Variants in ESR2 observed in about 807,000 individuals in gnomAD.
ESR2 encodes the protein estrogen receptor 2, also known as estrogen receptor beta.
Under a neutral mutation model 49.6 loss-of-function variants are expected in ESR2, and 36 were observed. The ratio of observed to expected loss-of-function variants is 0.73; its 90% CI spans 0.56 to 0.96. The LOEUF (loss-of-function observed/expected upper bound fraction) is 0.96, where lower values mean the gene tolerates loss of function less well. ESR2 is among the 40% of genes least tolerant of loss of function. The pLI, the probability that ESR2 is intolerant of heterozygous loss-of-function variation, is 0.00. For synonymous variants in ESR2, 320 were observed against 266.1 expected (o/e 1.20, Z -1.97); for missense variants, 714 against 693.0 (o/e 1.03, Z -0.34).
chr14:64,321,364 T>G (rs2077322767), intron 1 of ESR2, among the ~76,000 whole-genome samples: 1 of 152,138 alleles, frequency 6.6e-6, no homozygotes, highest in African/African-American at 2.4e-5. Flanking sequence ...ACCTGGATTG[T>G]GGTGGCATTT....
At chr14:64,285,829 AAAAAAAAAAAAAAG>A (rs901276192) in intron 1 of ESR2, among the ~76,000 whole-genome samples, 2 of 31,632 alleles carry the variant, frequency 6.3e-5, no homozygotes, top group Non-Finnish European at 5.8e-5. Context: ...TCTGTCTCAA[AAAAAAAAAAAAAAG>A]AAAAAGAAAA....
chr14:64,305,481 T>C lies in ESR2; in HGVS notation c.-90-22406A>G, dbSNP rs890070048. Among the ~76,000 whole-genome samples, 16 of 150,648 alleles carry C rather than the reference T, an allele frequency of 1.1e-4. No individual in the cohort carries two copies. In the East Asian group the frequency reaches 1.2e-3, roughly 11 times the overall value. On this transcript the variant is annotated intron_variant, in intron 1 of 8. Transcript: ENST00000358599. ...GTCAGGAGATCGAGACCATCCTGGCTAACACAGTGAAACCCCATCTCTACT... is the reference window on the plus strand; with the variant it reads ...GTCAGGAGATCGAGACCATCCTGGCCAACACAGTGAAACCCCATCTCTACT...
intron 1 of ESR2, among the ~76,000 whole-genome samples, chr14:64,288,015 G>T (rs2076809014): frequency 6.6e-6 from 1 of 152,160 alleles, no homozygotes; most frequent in African/African-American, 2.4e-5. Flanking sequence ...TCATTTATTT[G>T]CATGTCAATT....
intron 7 of ESR2, among the ~76,000 whole-genome samples, chr14:64,237,535 T>C (rs991449134): frequency 2.0e-5 from 3 of 152,220 alleles, no homozygotes; most frequent in Admixed American, 2.0e-4. Flanking sequence ...ATTGTGTGCC[T>C]GTACATGTCT....
chr14:64,278,574 G>A (rs777028888), intron 3 of ESR2, among the ~76,000 whole-genome samples: 1 of 152,166 alleles, frequency 6.6e-6, no homozygotes, highest in Non-Finnish European at 1.5e-5. Flanking sequence ...GGCTTTGATA[G>A]AAAAAGGAAG....
intron 1 of ESR2, among the ~76,000 whole-genome samples, chr14:64,319,351 A>G (rs1481004186): frequency 6.6e-6 from 1 of 152,172 alleles, no homozygotes; most frequent in Non-Finnish European, 1.5e-5. Context: ...AGAAAATGTA[A>G]GTGACCTAGG....
At chr14:64,240,725 C>T (rs926630294) in intron 7 of ESR2, among the ~76,000 whole-genome samples, 2 of 152,032 alleles carry the variant, frequency 1.3e-5, no homozygotes, top group Non-Finnish European at 2.9e-5. Flanking sequence ...TTTCGTTTTT[C>T]AGTACAGTAA....
chr14:64,277,888 GA>G (rs1322663462), intron 3 of ESR2, among the ~76,000 whole-genome samples: 1 of 151,732 alleles, frequency 6.6e-6, no homozygotes, highest in East Asian at 1.9e-4. Context: ...ACAACATAGA[GA>G]AGCAAAGGAA....
intron 3 of ESR2, among the ~76,000 whole-genome samples, chr14:64,277,787 A>G (rs2076585499): frequency 6.6e-6 from 1 of 152,190 alleles, no homozygotes; most frequent in South Asian, 2.1e-4. Flanking sequence ...TCATTTAGGC[A>G]CTACAACTGT....
chr14:64,312,848 G>T (rs1396499567), intron 1 of ESR2, among the ~76,000 whole-genome samples: 1 of 151,994 alleles, frequency 6.6e-6, no homozygotes, highest in East Asian at 1.9e-4. Context: ...GGCAGAGGTT[G>T]CAGTGAGCCA....
At chr14:64,305,480 C>A (rs191429529) in intron 1 of ESR2, among the ~76,000 whole-genome samples, 2 of 151,490 alleles carry the variant, frequency 1.3e-5, no homozygotes, top group Admixed American at 1.3e-4. Flanking sequence ...ACCATCCTGG[C>A]TAACACAGTG....
intron 7 of ESR2, among the ~76,000 whole-genome samples, chr14:64,237,855 T>A (rs1432498591): frequency 6.6e-6 from 1 of 152,124 alleles, no homozygotes; most frequent in Non-Finnish European, 1.5e-5. Context: ...AGCAAATTAG[T>A]GGTTGCCTAG....
In ESR2 at chr14:64,233,253, CCAG is replaced by C; in HGVS notation, c.1474_1476del (p.Leu492del). On this transcript the variant is annotated inframe_deletion, in exon 9 of 9. Coordinates refer to ENST00000341099, the MANE Select transcript of ESR2 (RefSeq NM_001437.3). ...CGAAGCACGTGGGCATTCAGCATCT[CCAG>C]CAGCAGGTCATACACTGGGACCACA... 6.2e-7 allele frequency: 1 copy of C among 1,614,180 alleles called. No homozygotes were observed. Among genetic ancestry groups the C allele is most frequent in the Non-Finnish European group, 8.5e-7 (1 of 1,180,038 alleles).
At chr14:64,234,340 A>T (rs1253014384) in intron 8 of ESR2, 1 of 152,610 alleles carries the variant, frequency 6.6e-6, no homozygotes, top group Non-Finnish European at 1.5e-5. Context: ...GGCTACCCTC[A>T]TCGTGGGTGA....
chr14:64,304,053 C>T (rs982287015), intron 1 of ESR2, among the ~76,000 whole-genome samples: 1 of 152,224 alleles, frequency 6.6e-6, no homozygotes, highest in East Asian at 1.9e-4. Flanking sequence ...TGGCTCACGC[C>T]TGTAATCCCA....
At chr14:64,336,043 G>C in intron 1 of ESR2, 1 of 150,620 alleles carries the variant, frequency 6.6e-6, no homozygotes, top group East Asian at 2.0e-4. Flanking sequence ...TAGAGACGGG[G>C]TTTCGCCATG....
intron 4 of ESR2, among the ~76,000 whole-genome samples, chr14:64,261,601 A>G (rs543970974): frequency 1.3e-4 from 19 of 151,482 alleles, no homozygotes; most frequent in African/African-American, 4.6e-4. Flanking sequence ...TATTTTTAGT[A>G]GAGATGTGAT....
At chr14:64,335,611 G>A (rs1269922855) in intron 1 of ESR2, among the ~76,000 whole-genome samples, 2 of 151,942 alleles carry the variant, frequency 1.3e-5, no homozygotes, top group Non-Finnish European at 1.5e-5. Flanking sequence ...CCTCCCAAAG[G>A]CCCTGCCTCC....
At chr14:64,299,943 T>C (rs990903795) in intron 1 of ESR2, among the ~76,000 whole-genome samples, 1 of 152,196 alleles carries the variant, frequency 6.6e-6, no homozygotes, top group Non-Finnish European at 1.5e-5. Context: ...TTCTCACATA[T>C]TATTTTTCTA....
Sources: gnomAD v4.1 joint callset for allele counts (sites outside exome capture counted in the v4.1 genomes callset) on GRCh38, gnomAD v4.1.1 for gene constraint, MANE v1.5 for transcripts, NCBI Gene and HGNC (gene_info 2026-07-23, HGNC 2026-07-21) for gene names.